SLC25A25: variants seen among roughly 807,000 people sequenced by gnomAD.
SLC25A25 encodes the protein solute carrier family 25 member 25, also known as mitochondrial adenyl nucleotide antiporter SLC25A25.
SLC25A25 carries 32 observed loss-of-function variants against 57.7 expected under a neutral mutation model. That is an observed-to-expected ratio of 0.55 (90% CI 0.42 to 0.74). The LOEUF (loss-of-function observed/expected upper bound fraction) is 0.74, where lower values mean the gene tolerates loss of function less well. Ranked by LOEUF, SLC25A25 falls within the 30% of genes least tolerant of loss-of-function variation. The pLI is 0.00. For synonymous variants in SLC25A25, 306 were observed against 291.2 expected, an observed-to-expected ratio of 1.05 and a Z score of -0.52; for missense variants, 556 against 701.3, an observed-to-expected ratio of 0.79 and a Z score of 2.34.
intron 1 of SLC25A25, chr9:128,091,322 A>G: frequency 3.6e-6 from 2 of 555,090 alleles, no homozygotes; most frequent in South Asian, 7.8e-5. Flanking sequence ...GCCGGGCTTC[A>G]TGCAGGCAAT....
In SLC25A25 at chr9:128,068,243, G is replaced by C; in HGVS notation, c.-77G>C. The C allele has an allele frequency of 1.2e-6, 1 of 846,616 alleles. No individual in the cohort carries two copies. Among genetic ancestry groups the C allele is most frequent in the Non-Finnish European group, 1.6e-6 (1 of 638,314 alleles). The allele number at this position is 846,616 out of a possible 1,614,324, so 52.4% of individuals were successfully genotyped here. The stretch of plus-strand genomic sequence containing the variant: ...CCGCGCTCCCAGCTGCAGAGCGCCT[G>C]GCTTGCCTCCCGCGCGGTCACCGCC... On this transcript the variant is annotated 5_prime_UTR_variant, in exon 1 of 11. Coordinates refer to ENST00000373069, the MANE Select transcript of SLC25A25 (RefSeq NM_001330988.2).
Position 128,101,002 on chromosome 9 carries a change from T to G in SLC25A25, c.262-94T>G. ...TCCTTGGGGCCAGCTCTGCTCGCAATTAGTGAAGTCATTGCCTGGGGATGG... is the reference window on the plus strand; with the variant it reads ...TCCTTGGGGCCAGCTCTGCTCGCAAGTAGTGAAGTCATTGCCTGGGGATGG... On this transcript the variant is annotated intron_variant, in intron 1 of 10. Coordinates refer to ENST00000373069, the MANE Select transcript of SLC25A25 (RefSeq NM_001330988.2). The surrounding 1 kb of genome is among the most constrained non-coding windows in gnomAD (Gnocchi z 4.9). 2 of 1,553,578 alleles carry G rather than the reference T, an allele frequency of 1.3e-6. No homozygotes were observed. The highest frequency in any genetic ancestry group is 2.3e-4 in the Middle Eastern group (1 of 4,426).
rs1833830160 is a variant in SLC25A25, at chr9:128,102,236, T to A, written c.512+121T>A. The stretch of plus-strand genomic sequence containing the variant: ...AGTGGGGTGTGGAGCCCCCTGCTCT[T>A]TCTCCTGGGGGCAGAGGCACCTCGT... On this transcript the variant is annotated intron_variant, in intron 4 of 10. Transcript: ENST00000373069. This position sits in a 1 kb window ranked among gnomAD's most constrained non-coding sequence, Gnocchi z 4.1. 4.2e-6 allele frequency: 6 copies of A among 1,413,652 alleles called. No homozygotes were observed. In the East Asian group the frequency reaches 1.5e-4, roughly 35 times the overall value. The allele number at this position is 1,413,652 out of a possible 1,614,324, so 87.6% of individuals were successfully genotyped here.
At position 128,107,009 on chromosome 9, in the gene SLC25A25, A is replaced by G; in HGVS notation, c.1213-20A>G. The stretch of plus-strand genomic sequence containing the variant: ...ACTAGCCCTTCCTAGGGCTTATCCC[A>G]TGCTCCCTTCTCCTTCTAGACGCTC... On this transcript the variant is annotated intron_variant, in intron 9 of 10. Coordinates refer to ENST00000373069, the MANE Select transcript of SLC25A25 (RefSeq NM_001330988.2). 6.2e-7 allele frequency: 1 copy of G among 1,611,034 alleles called. No individual in the cohort carries two copies. The highest frequency in any genetic ancestry group is 8.5e-7 in the Non-Finnish European group (1 of 1,177,858).
chr9:128,078,572 C>T (rs1487351709), intron 1 of SLC25A25, among the ~76,000 whole-genome samples: 1 of 152,190 alleles, frequency 6.6e-6, no homozygotes, highest in Non-Finnish European at 1.5e-5. Context: ...CTTTGGGGCC[C>T]GCATGCTTTC....
At chr9:128,076,247 C>T (rs1488547781) in intron 1 of SLC25A25, among the ~76,000 whole-genome samples, 4 of 152,114 alleles carry the variant, frequency 2.6e-5, no homozygotes, top group Non-Finnish European at 5.9e-5. Flanking sequence ...TCCTCCCACT[C>T]AGCCTCCCAG....
chr9:128,093,660 G>A (rs1323513557), intron 1 of SLC25A25, among the ~76,000 whole-genome samples: 1 of 152,232 alleles, frequency 6.6e-6, no homozygotes, highest in East Asian at 1.9e-4. Flanking sequence ...AAGCCAGAGA[G>A]AAAGCAAATC....
chr9:128,072,155 A>G (rs568756826), intron 1 of SLC25A25, among the ~76,000 whole-genome samples: 1 of 152,348 alleles, frequency 6.6e-6, no homozygotes, highest in Admixed American at 6.5e-5. Context: ...AGTCTTGGAG[A>G]GAAGATCTGC....
intron 1 of SLC25A25, among the ~76,000 whole-genome samples, chr9:128,078,617 C>G (rs541412844): frequency 6.6e-6 from 1 of 152,334 alleles, no homozygotes; most frequent in African/African-American, 2.4e-5. Context: ...ATCTTGCAAG[C>G]CTGTTGCCCT....
At position 128,106,533 on chromosome 9, in the gene SLC25A25, C is replaced by G; in HGVS notation, c.1212+13C>G. ...TGCAGTCTACGAGGTGAGGCCCAAGCTGGACAGATTTAGAAACCTCCTCCC... is the reference window on the plus strand; with the variant it reads ...TGCAGTCTACGAGGTGAGGCCCAAGGTGGACAGATTTAGAAACCTCCTCCC... On this transcript the variant is annotated intron_variant, in intron 9 of 10. Transcript: ENST00000373069. 1 of 1,581,872 alleles carries G rather than the reference C, an allele frequency of 6.3e-7. No individual in the cohort carries two copies. The highest frequency in any genetic ancestry group is 8.6e-7 in the Non-Finnish European group (1 of 1,167,622).
chr9:128,104,909 T>C (rs911687228), intron 6 of SLC25A25, among the ~76,000 whole-genome samples: 1 of 150,628 alleles, frequency 6.6e-6, no homozygotes, highest in African/African-American at 2.4e-5. Context: ...CAGGCTAGAG[T>C]ACAGTGGTAT....
At chr9:128,096,412 G>A (rs867107678) in intron 1 of SLC25A25, among the ~76,000 whole-genome samples, 1 of 152,196 alleles carries the variant, frequency 6.6e-6, no homozygotes, top group South Asian at 2.1e-4. Context: ...GGGAGGCTGA[G>A]GCACAAGAGT....
intron 1 of SLC25A25, among the ~76,000 whole-genome samples, chr9:128,076,845 C>T (rs1018653844): frequency 2.6e-5 from 4 of 152,140 alleles, no homozygotes; most frequent in Admixed American, 6.6e-5. Context: ...GGATGGGTGA[C>T]GGGCCATCAT....
chr9:128,105,638 G>T, intron 6 of SLC25A25, 91 bp from the exon 7 acceptor site: 1 of 1,595,410 alleles, frequency 6.3e-7, no homozygotes, highest in Non-Finnish European at 8.6e-7. Context: ...CTTCCCTTTG[G>T]CCGCAGCCGG....
In SLC25A25 at chr9:128,107,633, C is replaced by T; in HGVS notation, c.*189C>T. 1 of 571,418 alleles carries T rather than the reference C, an allele frequency of 1.8e-6. No homozygotes were observed. The highest frequency in any genetic ancestry group is 2.8e-6 in the Non-Finnish European group (1 of 357,178). The allele number at this position is 571,418 out of a possible 1,614,324, so 35.4% of individuals were successfully genotyped here. On this transcript the variant is annotated 3_prime_UTR_variant, in exon 11 of 11. Transcript: ENST00000373069. ...GGCTTGTCCTGCTGACCCCAGCAGA[C>T]CCTCCTGTTGGTTCCAGCGAAGACC...
intron 1 of SLC25A25, among the ~76,000 whole-genome samples, chr9:128,087,384 C>T (rs1341713756): frequency 1.3e-5 from 2 of 152,232 alleles, no homozygotes; most frequent in Admixed American, 1.3e-4. Context: ...GCCTCAGCCT[C>T]CTGAGTAGCT....
At chr9:128,072,340 C>G (rs989274240) in intron 1 of SLC25A25, among the ~76,000 whole-genome samples, 1 of 152,324 alleles carries the variant, frequency 6.6e-6, no homozygotes, top group Admixed American at 6.5e-5. Context: ...AATGGGTCAT[C>G]TGCCATGGGA....
At position 128,074,957 on chromosome 9, in the gene SLC25A25, G is replaced by A. The variant is rs571996409; in HGVS notation, c.261+6377G>A. Among the ~76,000 whole-genome samples the A allele has an allele frequency of 2.0e-5, 3 of 152,214 alleles. No homozygotes were observed. The East Asian group carries it at 5.8e-4, about 29-fold the overall frequency. On this transcript the variant is annotated intron_variant, in intron 1 of 10. Coordinates refer to ENST00000373069, the MANE Select transcript of SLC25A25 (RefSeq NM_001330988.2). The stretch of plus-strand genomic sequence containing the variant: ...TCGAGACCAGCCTGGCCAACATAGT[G>A]AAACCCCGTCTCTACTAAAAATACA...
chr9:128,082,344 C>A (rs562993434), intron 1 of SLC25A25, among the ~76,000 whole-genome samples: 1 of 152,288 alleles, frequency 6.6e-6, no homozygotes, highest in South Asian at 2.1e-4. Flanking sequence ...AGTTGTGGCT[C>A]CTCTTCATTG....
Sources: gnomAD v4.1 joint callset for allele counts (sites outside exome capture counted in the v4.1 genomes callset) on GRCh38, gnomAD v4.1.1 for gene constraint, Gnocchi (gnomAD v3.1) non-coding constraint, MANE v1.5 for transcripts, NCBI Gene and HGNC (gene_info 2026-07-23, HGNC 2026-07-21) for gene names.